Variants in GPC5 observed in about 807,000 individuals in gnomAD.
The protein encoded by GPC5 is glypican 5.
GPC5 carries 47 observed loss-of-function variants against 53.9 expected under a neutral mutation model. That is an observed-to-expected ratio of 0.87 (90% CI 0.69 to 1.11). The LOEUF is 1.11. GPC5 is among the 50% of genes most tolerant of loss of function. GPC5 has a pLI of 0.00. For missense variants in GPC5, 748 were observed against 713.1 expected (o/e 1.05, Z -0.56); for synonymous variants, 286 against 263.3 (o/e 1.09, Z -0.84).
chr13:91,492,962 A>T (rs1441853271), intron 2 of GPC5, among the ~76,000 whole-genome samples: 3 of 149,282 alleles, frequency 2.0e-5, no homozygotes, highest in African/African-American at 7.3e-5. Context: ...TTCTCTTGCT[A>T]CTGTTTCGGT....
intron 5 of GPC5, among the ~76,000 whole-genome samples, chr13:91,772,265 T>C (rs1040408497): frequency 1.3e-5 from 2 of 152,196 alleles, no homozygotes; most frequent in African/African-American, 4.8e-5. Context: ...CATGTCATAA[T>C]CTTAGAAATT....
intron 7 of GPC5, among the ~76,000 whole-genome samples, chr13:92,735,696 AT>A (rs1377675132): frequency 6.6e-6 from 1 of 152,016 alleles, no homozygotes; most frequent in African/African-American, 2.4e-5. Context: ...TTAAAATCCA[AT>A]TTCTGACATT....
intron 7 of GPC5, among the ~76,000 whole-genome samples, chr13:92,381,263 C>T (rs2043736621): frequency 6.6e-6 from 1 of 152,134 alleles, no homozygotes; most frequent in South Asian, 2.1e-4. Flanking sequence ...ATACTAACTG[C>T]CTCTAGTTTT....
chr13:91,595,154 A>T (rs752448978), intron 2 of GPC5, among the ~76,000 whole-genome samples: 1 of 151,782 alleles, frequency 6.6e-6, no homozygotes, highest in Non-Finnish European at 1.5e-5. Flanking sequence ...AGTAGCTGGG[A>T]CTACAGATGT....
At chr13:91,705,278 C>A (rs891701955) in intron 3 of GPC5, among the ~76,000 whole-genome samples, 2 of 152,184 alleles carry the variant, frequency 1.3e-5, no homozygotes, top group African/African-American at 4.8e-5. Flanking sequence ...TAACATCTAA[C>A]TCTTTAGCAC....
chr13:92,755,068 C>T (rs1322271549), intron 7 of GPC5, among the ~76,000 whole-genome samples: 1 of 151,692 alleles, frequency 6.6e-6, no homozygotes, highest in Non-Finnish European at 1.5e-5. Flanking sequence ...AAACTGACCA[C>T]ATACTTGGAA....
chr13:91,995,341 A>G (rs2040494501), intron 6 of GPC5: 1 of 152,156 alleles, frequency 6.6e-6, no homozygotes, highest in African/African-American at 2.4e-5. Flanking sequence ...ATTTTGTAAA[A>G]TTATTTTTTA....
chr13:92,857,770 A>G (rs1879051003), intron 7 of GPC5, among the ~76,000 whole-genome samples: 1 of 152,198 alleles, frequency 6.6e-6, no homozygotes, highest in Non-Finnish European at 1.5e-5. Context: ...TCACAATGAG[A>G]TAGCATCTCA....
chr13:92,765,762 A>C (rs1461913724), intron 7 of GPC5, among the ~76,000 whole-genome samples: 1 of 152,162 alleles, frequency 6.6e-6, no homozygotes, highest in Non-Finnish European at 1.5e-5. Flanking sequence ...TAACATTTGA[A>C]AAGCACTGTA....
At chr13:91,719,401 A>G (rs1047509814) in intron 3 of GPC5, among the ~76,000 whole-genome samples, 3 of 152,226 alleles carry the variant, frequency 2.0e-5, no homozygotes, top group African/African-American at 7.2e-5. Flanking sequence ...CAGGAGCTGA[A>G]GACTTTTGCA....
intron 7 of GPC5, among the ~76,000 whole-genome samples, chr13:92,421,531 C>G (rs1044751836): frequency 3.9e-5 from 6 of 151,968 alleles, no homozygotes; most frequent in African/African-American, 1.2e-4. Context: ...AACCCTGTCT[C>G]TACTAGAAAT....
intron 7 of GPC5, among the ~76,000 whole-genome samples, chr13:92,250,215 G>T (rs368849297): frequency 6.6e-6 from 1 of 152,076 alleles, no homozygotes; most frequent in East Asian, 1.9e-4. Context: ...GTGTGTGCAT[G>T]CACCAGATGT....
At chr13:91,908,583 C>A (rs367827877) in intron 6 of GPC5, among the ~76,000 whole-genome samples, 1 of 151,950 alleles carries the variant, frequency 6.6e-6, no homozygotes. Flanking sequence ...GTTTTATCTT[C>A]AATAATGTTT....
chr13:92,346,813 A>G (rs9589514), intron 7 of GPC5, among the ~76,000 whole-genome samples: 38,890 of 152,168 alleles, frequency 0.26, 5,165 homozygotes, highest in South Asian at 0.39. Flanking sequence ...AAAATTTGGA[A>G]GACAACTCAC....
intron 6 of GPC5, among the ~76,000 whole-genome samples, chr13:92,097,939 G>C (rs1354184915): frequency 6.6e-6 from 1 of 152,194 alleles, no homozygotes; most frequent in African/African-American, 2.4e-5. Flanking sequence ...GAGTTTGCCT[G>C]TCTGGATTAT....
intron 7 of GPC5, among the ~76,000 whole-genome samples, chr13:92,310,258 C>A (rs2043136833): frequency 6.6e-6 from 1 of 151,996 alleles, no homozygotes; most frequent in Non-Finnish European, 1.5e-5. Flanking sequence ...TCTATCACAT[C>A]TTCATCTTTT....
intron 2 of GPC5, among the ~76,000 whole-genome samples, chr13:91,688,332 C>T (rs1566610360): frequency 6.6e-6 from 1 of 152,050 alleles, no homozygotes; most frequent in Non-Finnish European, 1.5e-5. Context: ...TATCCCTAAG[C>T]ATTGAAGAAT....
intron 7 of GPC5, among the ~76,000 whole-genome samples, chr13:92,322,273 G>C (rs2043221157): frequency 6.6e-6 from 1 of 150,686 alleles, no homozygotes; most frequent in African/African-American, 2.4e-5. Context: ...GGTGAATGGG[G>C]GAAAAAAAAA....
chr13:92,075,018 C>G (rs2041241572), intron 6 of GPC5, among the ~76,000 whole-genome samples: 1 of 152,104 alleles, frequency 6.6e-6, no homozygotes. Context: ...TAGTCCAGAT[C>G]ATGATTCTCA....
Sources: allele counts gnomAD v4.1 joint callset (sites outside exome capture counted in the v4.1 genomes callset), GRCh38; gene constraint gnomAD v4.1.1; transcripts MANE v1.5; gene names NCBI Gene and HGNC (gene_info 2026-07-23, HGNC 2026-07-21).